Variants in MBNL2 observed in about 807,000 individuals in gnomAD.
MBNL2 encodes muscleblind-like protein 2.
A neutral mutation model predicts 41.9 loss-of-function variants in MBNL2; 17 were observed. The ratio of observed to expected loss-of-function variants is 0.41; its 90% CI spans 0.28 to 0.61. The LOEUF (loss-of-function observed/expected upper bound fraction) is 0.61, where lower values mean the gene tolerates loss of function less well. Ranked by LOEUF, MBNL2 falls within the 20% of genes least tolerant of loss-of-function variation. The pLI is 0.35. For synonymous variants in MBNL2, 195 were observed against 182.9 expected (o/e 1.07, Z -0.53); for missense variants, 336 against 505.6 (o/e 0.66, Z 3.22).
intron 2 of MBNL2, among the ~76,000 whole-genome samples, chr13:97,324,269 G>C (rs1408160122): frequency 1.3e-5 from 2 of 152,158 alleles, no homozygotes; most frequent in Non-Finnish European, 2.9e-5. Flanking sequence ...ATATCACAGG[G>C]CTTGGCACAT....
Position 97,330,067 on chromosome 13 carries a change from G to A in MBNL2, c.175-4209G>A, listed in dbSNP as rs553628985. 2.5e-4 allele frequency among the ~76,000 whole-genome samples: 38 copies of A among 152,284 alleles called. 2 individuals are homozygous for A. In the South Asian group the frequency reaches 7.7e-3, roughly 31 times the overall value. On this transcript the variant is annotated intron_variant, in intron 2 of 8. Transcript: ENST00000679496. ...CCACAAGACTGCAGGCTTCATGAAG[G>A]GAGACACCATGTCTTGATTTTCCTC...
chr13:97,162,489 T>C, the MBNL2 span, among the ~76,000 whole-genome samples: 22 of 152,336 alleles, frequency 1.4e-4, no homozygotes, highest in South Asian at 4.6e-3. Context: ...ACCTGTTACT[T>C]TTAACATGCA....
At chr13:97,303,352 TGGGTG>T (rs1320370404) in intron 2 of MBNL2, among the ~76,000 whole-genome samples, 2 of 152,038 alleles carry the variant, frequency 1.3e-5, no homozygotes, top group Non-Finnish European at 2.9e-5. Context: ...GGCTGGGCAA[TGGGTG>T]GGGGTGCCCA....
the MBNL2 span, among the ~76,000 whole-genome samples, chr13:97,201,325 A>ATTATAC: frequency 6.6e-6 from 1 of 152,292 alleles, no homozygotes; most frequent in East Asian, 1.9e-4. Context: ...ACAAAGTATG[A>ATTATAC]TTATACTTAT....
the MBNL2 span, among the ~76,000 whole-genome samples, chr13:97,165,230 C>A: frequency 6.6e-6 from 1 of 151,934 alleles, no homozygotes; most frequent in African/African-American, 2.4e-5. Flanking sequence ...CCTTCATTTT[C>A]AAAACAAATT....
intron 1 of MBNL2, among the ~76,000 whole-genome samples, chr13:97,228,754 T>C (rs916148209): frequency 2.0e-5 from 3 of 152,042 alleles, no homozygotes; most frequent in African/African-American, 4.8e-5. Flanking sequence ...AGTCTCGAAC[T>C]CCTGACCTCA....
At chr13:97,287,930 TTTTGTTTTG>T (rs1300672657) in intron 2 of MBNL2, among the ~76,000 whole-genome samples, 102 of 82,028 alleles carry the variant, frequency 1.2e-3, no homozygotes, top group African/African-American at 3.1e-3. Flanking sequence ...TTTTTTTTTG[TTTTGTTTTG>T]TTTTTTTTTT....
intron 8 of MBNL2, among the ~76,000 whole-genome samples, chr13:97,380,362 TG>T (rs2065325025): frequency 6.6e-6 from 1 of 151,948 alleles, no homozygotes; most frequent in Non-Finnish European, 1.5e-5. Context: ...GGTGTGGTGG[TG>T]GGCATCTGTA....
At chr13:97,244,709 G>A (rs1271663270) in intron 1 of MBNL2, among the ~76,000 whole-genome samples, 2 of 152,128 alleles carry the variant, frequency 1.3e-5, no homozygotes, top group Admixed American at 1.3e-4. Context: ...TTTGTTTCAC[G>A]GTGCTTGTTT....
At chr13:97,250,076 C>T (rs2046230162) in intron 1 of MBNL2, among the ~76,000 whole-genome samples, 1 of 152,220 alleles carries the variant, frequency 6.6e-6, no homozygotes, top group South Asian at 2.1e-4. Context: ...CTCTAAGCTA[C>T]AGCTTTTAAT....
chr13:97,251,504 G>T (rs2046489564), intron 1 of MBNL2, among the ~76,000 whole-genome samples: 1 of 152,020 alleles, frequency 6.6e-6, no homozygotes, highest in African/African-American at 2.4e-5. Context: ...ATAGCTACTT[G>T]TGCTCAAGTG....
intron 8 of MBNL2, among the ~76,000 whole-genome samples, chr13:97,371,350 C>T (rs2064356527): frequency 6.6e-6 from 1 of 152,116 alleles, no homozygotes; most frequent in East Asian, 1.9e-4. Context: ...AAGTACTTTC[C>T]CTGTCCTCTG....
the MBNL2 span, among the ~76,000 whole-genome samples, chr13:97,160,382 A>C: frequency 1.3e-5 from 2 of 152,210 alleles, no homozygotes; most frequent in African/African-American, 4.8e-5. Flanking sequence ...GCTGCAAGTT[A>C]AGTATAAGTC....
intron 1 of MBNL2, among the ~76,000 whole-genome samples, chr13:97,224,406 C>T (rs1219883264): frequency 6.6e-6 from 1 of 152,052 alleles, no homozygotes; most frequent in East Asian, 1.9e-4. Flanking sequence ...TCACAGAGAT[C>T]GGGGGAAGGG....
the MBNL2 span, among the ~76,000 whole-genome samples, chr13:97,215,809 A>G: frequency 6.6e-6 from 1 of 152,222 alleles, no homozygotes; most frequent in Non-Finnish European, 1.5e-5. Context: ...GTCATGAAGC[A>G]AGGAAGTTTG....
At chr13:97,370,075 G>T (rs1230551284) in intron 8 of MBNL2, among the ~76,000 whole-genome samples, 2 of 152,010 alleles carry the variant, frequency 1.3e-5, no homozygotes, top group African/African-American at 4.8e-5. Flanking sequence ...TGTAAGACAG[G>T]ATAGTTACGT....
chr13:97,171,746 T>G, the MBNL2 span, among the ~76,000 whole-genome samples: 1 of 152,176 alleles, frequency 6.6e-6, no homozygotes, highest in Non-Finnish European at 1.5e-5. Flanking sequence ...ATGGTTTGGC[T>G]GTGTCCCCAC....
In MBNL2 at chr13:97,365,117, C is replaced by T; in HGVS notation, c.1013-19C>T. 1 of 1,568,306 alleles carries T rather than the reference C, an allele frequency of 6.4e-7. No individual in the cohort carries two copies. The highest frequency in any genetic ancestry group is 1.1e-5 in the South Asian group (1 of 90,208). On this transcript the variant is annotated intron_variant, in intron 7 of 8. Transcript: ENST00000679496. ...TTTCCCTTTATTCACTTTTTCCACC[C>T]ACCATTGCATGACATCAGGGTCAGT...
the MBNL2 span, among the ~76,000 whole-genome samples, chr13:97,162,039 C>T: frequency 6.6e-6 from 1 of 152,084 alleles, no homozygotes; most frequent in African/African-American, 2.4e-5. Context: ...TGATCAGATT[C>T]AATCATGGAG....
Sources: gnomAD v4.1 joint callset for allele counts (sites outside exome capture counted in the v4.1 genomes callset) on GRCh38, gnomAD v4.1.1 for gene constraint, MANE v1.5 for transcripts, NCBI Gene and HGNC (gene_info 2026-07-23, HGNC 2026-07-21) for gene names.